Variants in ASTN2 observed in about 807,000 individuals in gnomAD.
ASTN2 encodes the protein astrotactin 2, also known as astrotactin-2.
A neutral mutation model predicts 139.8 loss-of-function variants in ASTN2; 54 were observed. The observed-to-expected ratio is 0.39, with a 90% CI of 0.31 to 0.48. ASTN2 has a LOEUF of 0.48. Ranked by LOEUF, ASTN2 falls within the 20% of genes least tolerant of loss-of-function variation. ASTN2 has a pLI of 0.95. For missense variants in ASTN2, 1,565 were observed against 1,725.1 expected, an observed-to-expected ratio of 0.91 and a Z score of 1.64; for synonymous variants, 756 against 719.5, an observed-to-expected ratio of 1.05 and a Z score of -0.81.
rs1462611954 is a variant in ASTN2 at position 116,725,886 on chromosome 9, G to A, written c.2691C>T (p.Ile897=). 1 of 1,614,046 alleles carries A rather than the reference G, an allele frequency of 6.2e-7. No homozygotes were observed. The highest frequency in any genetic ancestry group is 8.5e-7 in the Non-Finnish European group (1 of 1,180,014). ...ESSREELLSF[I]QHYGSHYIAE... Reference sequence around the variant, plus strand: ...CGATGTAGTGGGAGCCATAGTGCTGGATGAAGGACAGCAGCTCCTCCCGAC... The same window carrying A: ...CGATGTAGTGGGAGCCATAGTGCTGAATGAAGGACAGCAGCTCCTCCCGAC... Residue 897 remains isoleucine (I), a synonymous_variant, in exon 16 of 23, where the codon ATC becomes ATT. Coordinates refer to ENST00000313400, the MANE Select transcript of ASTN2 (RefSeq NM_001365068.1).
At chr9:116,622,055 T>C (rs1856185240) in intron 17 of ASTN2, among the ~76,000 whole-genome samples, 1 of 152,246 alleles carries the variant, frequency 6.6e-6, no homozygotes. Flanking sequence ...TTCTTTCATG[T>C]TTTTTACTTT....
chr9:116,829,083 C>G (rs1321872563), intron 11 of ASTN2, among the ~76,000 whole-genome samples: 2 of 151,670 alleles, frequency 1.3e-5, no homozygotes, highest in African/African-American at 4.8e-5. Flanking sequence ...GATTATATTG[C>G]CCAAAGCAAT....
chr9:117,210,562 A>G (rs537147087), intron 3 of ASTN2, among the ~76,000 whole-genome samples: 134 of 152,298 alleles, frequency 8.8e-4, no homozygotes, highest in African/African-American at 3.1e-3. Context: ...AGTCAATAAT[A>G]AAAAGCCTTC....
chr9:116,585,127 T>C (rs561299936), intron 19 of ASTN2: 5 of 152,288 alleles, frequency 3.3e-5, no homozygotes, highest in African/African-American at 1.2e-4. Context: ...GTTTTATATA[T>C]ATATAAAAAT....
At chr9:116,688,730 G>A (rs1022870356) in intron 16 of ASTN2, among the ~76,000 whole-genome samples, 5 of 152,162 alleles carry the variant, frequency 3.3e-5, no homozygotes, top group Non-Finnish European at 7.4e-5. Flanking sequence ...GTACCCCCAA[G>A]CTACGATAGC....
At chr9:116,655,523 C>G (rs946859428) in intron 16 of ASTN2, among the ~76,000 whole-genome samples, 1 of 152,220 alleles carries the variant, frequency 6.6e-6, no homozygotes, top group East Asian at 1.9e-4. Context: ...ATACCCTCTG[C>G]CTCTCTCAAT....
chr9:116,646,385 T>C (rs1857590883), intron 17 of ASTN2, among the ~76,000 whole-genome samples: 1 of 152,168 alleles, frequency 6.6e-6, no homozygotes, highest in Non-Finnish European at 1.5e-5. Context: ...CTCTGAAGTG[T>C]TTTCTTGTAT....
At chr9:117,289,487 A>T (rs1834531900) in intron 2 of ASTN2, among the ~76,000 whole-genome samples, 1 of 152,222 alleles carries the variant, frequency 6.6e-6, no homozygotes, top group African/African-American at 2.4e-5. Context: ...CAAAAAAGAC[A>T]CATTGGAGGC....
intron 19 of ASTN2, among the ~76,000 whole-genome samples, chr9:116,490,272 TAAAAAAAAAAAAAAAAAAAAAAA>T: frequency 2.6e-5 from 1 of 37,908 alleles, no homozygotes; most frequent in Middle Eastern, 0.042. Flanking sequence ...TGATAAAAAG[TAAAAAAAAAAAAAAAAAAAAAAA>T]AAAAAAAAGG....
chr9:117,210,988 A>AT (rs1172741774), intron 3 of ASTN2, among the ~76,000 whole-genome samples: 3 of 151,802 alleles, frequency 2.0e-5, no homozygotes, highest in Non-Finnish European at 2.9e-5. Context: ...AAGCAAAAAA[A>AT]AAAAAAGCTT....
chr9:117,350,656 T>A (rs976775252), intron 1 of ASTN2, among the ~76,000 whole-genome samples: 11 of 151,862 alleles, frequency 7.2e-5, no homozygotes, highest in African/African-American at 2.7e-4. Flanking sequence ...TGAGAGAAAA[T>A]GTGCTCAGAG....
chr9:116,944,125 C>T (rs776012981), intron 10 of ASTN2, among the ~76,000 whole-genome samples: 2 of 151,856 alleles, frequency 1.3e-5, no homozygotes, highest in Non-Finnish European at 1.5e-5. Flanking sequence ...CTATTATTAT[C>T]TCCATTTTAC....
chr9:117,372,439 T>C (rs1830013991), intron 1 of ASTN2, among the ~76,000 whole-genome samples: 1 of 152,146 alleles, frequency 6.6e-6, no homozygotes, highest in Non-Finnish European at 1.5e-5. Context: ...GTGAGGGATG[T>C]TTCCATAATC....
At chr9:117,091,384 A>G (rs1028399825) in intron 5 of ASTN2, among the ~76,000 whole-genome samples, 8 of 152,190 alleles carry the variant, frequency 5.3e-5, no homozygotes, top group Admixed American at 1.3e-4. Flanking sequence ...ATGCTCGTGA[A>G]GTTTCCAGTT....
chr9:117,399,828 G>A (rs1830775379), intron 1 of ASTN2, among the ~76,000 whole-genome samples: 1 of 152,178 alleles, frequency 6.6e-6, no homozygotes, highest in Non-Finnish European at 1.5e-5. Context: ...CATCCCCTAT[G>A]CTAATCCCAA....
intron 1 of ASTN2, among the ~76,000 whole-genome samples, chr9:117,333,055 A>G (rs1828763237): frequency 6.6e-6 from 1 of 152,208 alleles, no homozygotes; most frequent in Non-Finnish European, 1.5e-5. Context: ...TAAAATTGAC[A>G]GGTGATGGTT....
At chr9:117,200,838 C>T (rs1831685996) in intron 3 of ASTN2, among the ~76,000 whole-genome samples, 1 of 151,996 alleles carries the variant, frequency 6.6e-6, no homozygotes, top group Non-Finnish European at 1.5e-5. Flanking sequence ...TTTGTTGTGT[C>T]TCTTCCCAGT....
intron 10 of ASTN2, among the ~76,000 whole-genome samples, chr9:116,933,822 C>G (rs139809803): frequency 0.019 from 2,831 of 152,024 alleles, 44 homozygotes; most frequent in Non-Finnish European, 0.026. Context: ...GATGGCCTGT[C>G]TGACTGTTCT....
chr9:117,299,533 G>T (rs992537619), intron 1 of ASTN2, among the ~76,000 whole-genome samples: 7 of 152,186 alleles, frequency 4.6e-5, no homozygotes, highest in Non-Finnish European at 7.3e-5. Context: ...TGGAGAATTG[G>T]CACAAGGGAA....
Sources: gnomAD v4.1 joint callset for allele counts (sites outside exome capture counted in the v4.1 genomes callset) on GRCh38, gnomAD v4.1.1 for gene constraint, MANE v1.5 for transcripts, NCBI Gene and HGNC (gene_info 2026-07-23, HGNC 2026-07-21) for gene names.